NAV3: variants seen among roughly 807,000 people sequenced by gnomAD.
NAV3 encodes pore membrane and/or filament interacting like protein 1.
In NAV3, 87 loss-of-function variants were observed where a neutral mutation model predicts 244.7. The observed-to-expected ratio is 0.36, with a 90% CI of 0.30 to 0.42. The LOEUF (loss-of-function observed/expected upper bound fraction) is 0.42, where lower values mean the gene tolerates loss of function less well. Among genes scored for constraint, NAV3 ranks in the 20% least tolerant of loss-of-function variants. The pLI, the probability that NAV3 is intolerant of heterozygous loss-of-function variation, is 1.00. For missense variants in NAV3, 2,663 were observed against 2,893.3 expected (o/e 0.92, Z 1.83); for synonymous variants, 1,126 against 1,042.2 (o/e 1.08, Z -1.55).
intron 9 of NAV3, 34 bp from the exon 10 acceptor site, chr12:78,049,959 C>T (rs2137223597): frequency 6.7e-7 from 1 of 1,485,728 alleles, no homozygotes; most frequent in Non-Finnish European, 9.3e-7. Context: ...TACTAAATGT[C>T]ATGAATAGCA....
chr12:77,826,935 T>C (rs1002731288), upstream of NAV3, among the ~76,000 whole-genome samples: 2 of 152,186 alleles, frequency 1.3e-5, no homozygotes, highest in African/African-American at 4.8e-5. Context: ...AAAATAGGAA[T>C]GTGAGACCAG....
At chr12:77,815,886 A>C (rs1451342201) in intron 2 of NAV3, among the ~76,000 whole-genome samples, 1 of 152,156 alleles carries the variant, frequency 6.6e-6, no homozygotes, top group Non-Finnish European at 1.5e-5. Context: ...GTAATTTTAT[A>C]TTAATATTTT....
intron 19 of NAV3, among the ~76,000 whole-genome samples, chr12:78,137,848 A>G (rs1956440362): frequency 2.6e-5 from 4 of 152,046 alleles, no homozygotes; most frequent in Admixed American, 2.6e-4. Context: ...ATAAGTCACT[A>G]TTTCTTCATC....
chr12:77,948,421 T>C (rs1890564002), intron 3 of NAV3, among the ~76,000 whole-genome samples: 1 of 151,984 alleles, frequency 6.6e-6, no homozygotes, highest in African/African-American at 2.4e-5. Flanking sequence ...TATATAACTA[T>C]TGCAAAATGT....
At chr12:77,904,931 T>G (rs1885798157) in intron 1 of NAV3, among the ~76,000 whole-genome samples, 1 of 151,568 alleles carries the variant, frequency 6.6e-6, no homozygotes, top group African/African-American at 2.4e-5. Context: ...ATGGTTGCTT[T>G]AATTTGAGGA....
At chr12:78,158,068 C>A (rs918991116) in intron 22 of NAV3, among the ~76,000 whole-genome samples, 3 of 151,950 alleles carry the variant, frequency 2.0e-5, no homozygotes, top group African/African-American at 7.2e-5. Context: ...AGCTTTAATT[C>A]TTTGTATTTT....
chr12:78,119,145 A>G (rs899199245), intron 14 of NAV3, 92 bp from the exon 15 acceptor site: 11 of 1,196,932 alleles, frequency 9.2e-6, no homozygotes, highest in Non-Finnish European at 1.3e-5. Context: ...GAAATAATAT[A>G]AAGAAGCATT....
intron 9 of NAV3, among the ~76,000 whole-genome samples, chr12:78,045,648 G>A (rs1881658996): frequency 6.6e-6 from 1 of 152,136 alleles, no homozygotes. Flanking sequence ...TGTGATTGTG[G>A]ATTTTTACAT....
intron 1 of NAV3, among the ~76,000 whole-genome samples, chr12:77,860,469 T>C (rs1004622123): frequency 6.6e-5 from 10 of 151,590 alleles, no homozygotes; most frequent in African/African-American, 2.4e-4. Context: ...ATGTATATTA[T>C]TAAAAATTAG....
intron 39 of NAV3, among the ~76,000 whole-genome samples, chr12:78,205,374 G>T (rs898287): frequency 0.51 from 77,233 of 151,796 alleles, 20,772 homozygotes; most frequent in East Asian, 0.82. Flanking sequence ...AGACTATAAT[G>T]TTTCTCTTAT....
intron 3 of NAV3, chr12:77,950,440 T>C (rs1044534952): frequency 2.0e-5 from 3 of 152,168 alleles, no homozygotes; most frequent in Non-Finnish European, 4.4e-5. Flanking sequence ...CATATGCTTA[T>C]ATGTCTTCAG....
chr12:77,712,187 A>T (rs1876150759), intron 2 of NAV3, among the ~76,000 whole-genome samples: 1 of 152,190 alleles, frequency 6.6e-6, no homozygotes, highest in African/African-American at 2.4e-5. Flanking sequence ...TCAGAGCGAA[A>T]GGGTTATATT....
chr12:78,026,055 G>A (rs556186279), intron 9 of NAV3, among the ~76,000 whole-genome samples: 4 of 152,036 alleles, frequency 2.6e-5, no homozygotes, highest in East Asian at 1.9e-4. Context: ...TTCCTTTTTG[G>A]TTTCCTTTTC....
chr12:77,798,917 C>T (rs1231725682), intron 2 of NAV3, among the ~76,000 whole-genome samples: 1 of 152,160 alleles, frequency 6.6e-6, no homozygotes, highest in Non-Finnish European at 1.5e-5. Context: ...GAACAAAACA[C>T]CCCCAAACCA....
At chr12:78,163,786 A>G (rs1957665797) in intron 23 of NAV3, among the ~76,000 whole-genome samples, 1 of 152,062 alleles carries the variant, frequency 6.6e-6, no homozygotes, top group Non-Finnish European at 1.5e-5. Context: ...GACTCAGTAG[A>G]CTATGATATT....
rs143898166 is a variant in NAV3 at position 77,840,284 on chromosome 12, A to G, written c.243+8580A>G. Among the ~76,000 whole-genome samples, 132 of 152,324 alleles carry G rather than the reference A, an allele frequency of 8.7e-4. 1 individual carries two copies. In the East Asian group the frequency reaches 0.021, roughly 24 times the overall value. ...AGTGGGAAGATGGGCATTAAATGCCATTGTAAAGAGTTTGGACTTACTCTG... is the reference window on the plus strand; with the variant it reads ...AGTGGGAAGATGGGCATTAAATGCCGTTGTAAAGAGTTTGGACTTACTCTG... On this transcript the variant is annotated intron_variant, in intron 1 of 39. Transcript: ENST00000397909.
At chr12:78,084,778 G>T (rs1334162877) in intron 12 of NAV3, among the ~76,000 whole-genome samples, 1 of 152,010 alleles carries the variant, frequency 6.6e-6, no homozygotes, top group African/African-American at 2.4e-5. Flanking sequence ...GTTAGCAATG[G>T]CTTTCATTGA....
intron 2 of NAV3, among the ~76,000 whole-genome samples, chr12:77,710,192 C>T (rs953792796): frequency 6.6e-6 from 1 of 152,158 alleles, no homozygotes; most frequent in Non-Finnish European, 1.5e-5. Context: ...AACTTCAAAT[C>T]ATTAAAAGGT....
intron 12 of NAV3, among the ~76,000 whole-genome samples, chr12:78,087,274 A>G (rs1953686839): frequency 6.6e-6 from 1 of 152,068 alleles, no homozygotes; most frequent in Admixed American, 6.6e-5. Flanking sequence ...TGATTTTGTA[A>G]CAGACCTTGA....
Sources: allele counts gnomAD v4.1 joint callset (sites outside exome capture counted in the v4.1 genomes callset), GRCh38; gene constraint gnomAD v4.1.1; transcripts MANE v1.5; gene names NCBI Gene and HGNC (gene_info 2026-07-23, HGNC 2026-07-21).